The following WNT3 variants were observed in gnomAD, a reference collection of about 807,000 sequenced individuals.
WNT3 encodes the protein Wnt family member 3, also known as proto-oncogene Wnt-3.
Under a neutral mutation model 34.2 loss-of-function variants are expected in WNT3, and 7 were observed. The ratio of observed to expected loss-of-function variants is 0.20; its 90% CI spans 0.12 to 0.38. The LOEUF (loss-of-function observed/expected upper bound fraction) is 0.38, where lower values mean the gene tolerates loss of function less well. Ranked by LOEUF, WNT3 falls within the 10% of genes least tolerant of loss-of-function variation. WNT3 has a pLI of 1.00. For missense variants in WNT3, 267 were observed against 499.8 expected (o/e 0.53, Z 4.44); for synonymous variants, 212 against 211.5 (o/e 1.00, Z -0.02).
intron 1 of WNT3, among the ~76,000 whole-genome samples, chr17:46,788,402 A>C (rs2083934465): frequency 6.6e-6 from 1 of 152,208 alleles, no homozygotes; most frequent in African/African-American, 2.4e-5. Flanking sequence ...GCTGGTTCCC[A>C]CACCAGGACT....
In WNT3 at chr17:46,768,521, C is replaced by T; in HGVS notation, c.867G>A (p.Glu289=). ...NSPNFCEPNP[E]TGSFGTRDRT... ...GGTCCCTTGTGCCAAAGGAACCCGTCTCTGGGTTGGGCTCACAAAAGTTGG... is the reference window on the plus strand; with the variant it reads ...GGTCCCTTGTGCCAAAGGAACCCGTTTCTGGGTTGGGCTCACAAAAGTTGG... Residue 289 remains glutamate, a synonymous_variant, in exon 4 of 5, where the codon GAG becomes GAA. Transcript: ENST00000225512. The surrounding 1 kb of genome is among the most constrained non-coding windows in gnomAD (Gnocchi z 5.0). 1 of 1,614,152 alleles carries T rather than the reference C, an allele frequency of 6.2e-7. No individual in the cohort carries two copies. Among genetic ancestry groups the T allele is most frequent in the Non-Finnish European group, 8.5e-7 (1 of 1,180,040 alleles).
chr17:46,815,124 G>A (rs1047558270), intron 1 of WNT3, among the ~76,000 whole-genome samples: 3 of 152,138 alleles, frequency 2.0e-5, no homozygotes, highest in Non-Finnish European at 2.9e-5. Context: ...TCGCTGGAAT[G>A]TAGCAGGTGC....
At chr17:46,765,534 C>T (rs112692652) in intron 4 of WNT3, among the ~76,000 whole-genome samples, 5 of 152,344 alleles carry the variant, frequency 3.3e-5, no homozygotes, top group African/African-American at 7.2e-5. Flanking sequence ...GCCTGCTCTG[C>T]GACTCCCTTC....
intron 1 of WNT3, among the ~76,000 whole-genome samples, chr17:46,791,126 C>A (rs1463044432): frequency 6.6e-6 from 1 of 152,160 alleles, no homozygotes; most frequent in East Asian, 1.9e-4. Context: ...GGCAGCAAGC[C>A]TTTTCCCTAC....
rs975877947 is a variant in WNT3, at chr17:46,762,770, G to A, written c.*1860C>T. 2.6e-5 allele frequency: 4 copies of A among 151,990 alleles called. No homozygotes were observed. Among genetic ancestry groups the A allele is most frequent in the Non-Finnish European group, 5.9e-5 (4 of 67,998 alleles). 9.4% of individuals were successfully genotyped at this position (151,990 alleles called of 1,614,324 possible). A position where few individuals can be genotyped will look rare whatever the true frequency, so the allele number is the denominator to read the frequency against. On this transcript the variant is annotated 3_prime_UTR_variant, in exon 5 of 5. Transcript: ENST00000225512. ...CGGTTGGATACTATTACCTGACTACGGCGAGAATCATTACAATGCACTCAT... is the reference window on the plus strand; with the variant it reads ...CGGTTGGATACTATTACCTGACTACAGCGAGAATCATTACAATGCACTCAT...
chr17:46,794,039 C>T lies in WNT3; in HGVS notation c.81-20130G>A, dbSNP rs147451558. ...GGGACATAACCAAGACAGTGTCACA[C>T]GGTGAAATCTAACAGGCATGTTCAT... On this transcript the variant is annotated intron_variant, in intron 1 of 4. Transcript: ENST00000225512. Among the ~76,000 whole-genome samples, 289 of 152,168 alleles carry T rather than the reference C, an allele frequency of 1.9e-3. 2 individuals are homozygous for T. In the South Asian group the frequency reaches 0.022, roughly 11 times the overall value.
rs2059413942 is a variant in WNT3 at position 46,776,560 on chromosome 17, G to A, written c.81-2651C>T. On this transcript the variant is annotated intron_variant, in intron 1 of 4. Coordinates refer to ENST00000225512, the MANE Select transcript of WNT3 (RefSeq NM_030753.5). ...CCTGCCCTGTCTGCCAGGCTGCAGA[G>A]GTCCCCGTTGAGCCTCCCTCTGGGC... Among the ~76,000 whole-genome samples, 4 of 152,172 alleles carry A rather than the reference G, an allele frequency of 2.6e-5. No homozygotes were observed. In the South Asian group the frequency reaches 8.3e-4, roughly 32 times the overall value.
intron 4 of WNT3, among the ~76,000 whole-genome samples, chr17:46,766,644 A>G (rs564276655): frequency 6.6e-6 from 1 of 152,218 alleles, no homozygotes; most frequent in East Asian, 1.9e-4. Context: ...GGCTTCCTAG[A>G]TGGGCTGAGT....
At chr17:46,809,915 A>C (rs557361023) in intron 1 of WNT3, among the ~76,000 whole-genome samples, 18 of 151,744 alleles carry the variant, frequency 1.2e-4, no homozygotes, top group Non-Finnish European at 2.2e-4. Flanking sequence ...CAACTCCTCA[A>C]GCTCAGAGGC....
intron 1 of WNT3, among the ~76,000 whole-genome samples, chr17:46,779,098 CACACA>C (rs1210478960): frequency 1.2e-4 from 17 of 146,908 alleles, no homozygotes; most frequent in African/African-American, 4.1e-4. Context: ...CACACACACA[CACACA>C]CCCCAGCCCA....
In WNT3 at chr17:46,816,133, A is replaced by ACG. The variant is rs1568100327; in HGVS notation, c.80+2384_80+2385insCG. On this transcript the variant is annotated intron_variant, in intron 1 of 4. Coordinates refer to ENST00000225512, the MANE Select transcript of WNT3 (RefSeq NM_030753.5). ...CACGTACACACACACACACACACTC[A>ACG]CACACACGCACGCACGCACACACAC... is the stretch of plus-strand genomic sequence containing the variant. 2.1e-4 allele frequency among the ~76,000 whole-genome samples: 8 copies of ACG among 37,632 alleles called. No homozygotes were observed. In the East Asian group the frequency reaches 0.026, roughly 124 times the overall value. 24.7% of individuals were successfully genotyped at this position (37,632 alleles called of 152,430 possible). A position where few individuals can be genotyped will look rare whatever the true frequency, so the allele number is the denominator to read the frequency against.
At position 46,762,827 on chromosome 17, in the gene WNT3, C is replaced by A. The variant is rs1271889780; in HGVS notation, c.*1803G>T. The A allele has an allele frequency of 6.6e-6, 1 of 152,118 alleles. No individual in the cohort carries two copies. The highest frequency in any genetic ancestry group is 1.5e-5 in the Non-Finnish European group (1 of 68,038). 9.4% of individuals were successfully genotyped at this position (152,118 alleles called of 1,614,324 possible). On this transcript the variant is annotated 3_prime_UTR_variant, in exon 5 of 5. Coordinates refer to ENST00000225512, the MANE Select transcript of WNT3 (RefSeq NM_030753.5). ...TTATTAAATAATTACTTGTCAGCTA[C>A]TTGAATACGCCCCAGAAACATGACT...
chr17:46,799,262 G>T (rs941285622), intron 1 of WNT3, among the ~76,000 whole-genome samples: 1 of 151,978 alleles, frequency 6.6e-6, no homozygotes, highest in African/African-American at 2.4e-5. Flanking sequence ...TATTGGTTGG[G>T]ACAAACCAAC....
intron 1 of WNT3, among the ~76,000 whole-genome samples, chr17:46,793,831 C>T (rs1461016429): frequency 2.0e-5 from 3 of 152,148 alleles, no homozygotes; most frequent in East Asian, 1.9e-4. Context: ...GATGCCGGCT[C>T]CAGTTTACCA....
At chr17:46,816,475 GCACACACACACACACACACACACA>G (rs113581876) in intron 1 of WNT3, among the ~76,000 whole-genome samples, 1 of 144,244 alleles carries the variant, frequency 6.9e-6, no homozygotes, top group African/African-American at 2.6e-5. Flanking sequence ...CAGAACACAC[GCACACACACACACACACACACACA>G]CACACACACA....
At chr17:46,787,322 G>C (rs902358649) in intron 1 of WNT3, among the ~76,000 whole-genome samples, 2 of 152,090 alleles carry the variant, frequency 1.3e-5, no homozygotes, top group African/African-American at 2.4e-5. Flanking sequence ...GGAACAATAG[G>C]AGTGTCCTGG....
chr17:46,795,946 G>A lies in WNT3; in HGVS notation c.81-22037C>T, dbSNP rs572403742. Reference sequence around the variant, plus strand: ...CACATGTTAAATTCTAACCCTTGCAGTACCATGGATTTCCATTTTGTTGAG... The same window carrying A: ...CACATGTTAAATTCTAACCCTTGCAATACCATGGATTTCCATTTTGTTGAG... On this transcript the variant is annotated intron_variant, in intron 1 of 4. Coordinates refer to ENST00000225512, the MANE Select transcript of WNT3 (RefSeq NM_030753.5). Among the ~76,000 whole-genome samples the A allele has an allele frequency of 1.3e-3, 196 of 152,168 alleles. 1 individual carries two copies. Among genetic ancestry groups the A allele is most frequent in the African/African-American group, 4.6e-3 (190 of 41,494 alleles).
intron 1 of WNT3, among the ~76,000 whole-genome samples, chr17:46,796,366 A>G (rs547043480): frequency 3.6e-4 from 55 of 152,358 alleles, no homozygotes; most frequent in Non-Finnish European, 7.3e-4. Flanking sequence ...CTTGCCGCAT[A>G]TTAACCCCAT....
chr17:46,802,064 A>G (rs180990138), intron 1 of WNT3, among the ~76,000 whole-genome samples: 117 of 152,290 alleles, frequency 7.7e-4, no homozygotes, highest in Admixed American at 5.5e-3. Context: ...GCCTGTACGC[A>G]TGTTTGTGAT....
Sources: gnomAD v4.1 joint callset for allele counts (sites outside exome capture counted in the v4.1 genomes callset) on GRCh38, gnomAD v4.1.1 for gene constraint, Gnocchi (gnomAD v3.1) non-coding constraint, MANE v1.5 for transcripts, NCBI Gene and HGNC (gene_info 2026-07-23, HGNC 2026-07-21) for gene names.